KCNA6: variants seen among roughly 807,000 people sequenced by gnomAD.
KCNA6 encodes potassium voltage-gated channel subfamily A member 6, also known as human brain potassium channel-2.
In KCNA6, 17 loss-of-function variants were observed where a neutral mutation model predicts 29.5. The observed-to-expected ratio is 0.58, with a 90% CI of 0.39 to 0.86. The LOEUF (loss-of-function observed/expected upper bound fraction) is 0.86, where lower values mean the gene tolerates loss of function less well. KCNA6 is among the 40% of genes least tolerant of loss of function. The pLI is 0.00. For missense variants in KCNA6, 450 were observed against 703.4 expected (o/e 0.64, Z 4.07); for synonymous variants, 296 against 304.7 (o/e 0.97, Z 0.30).
At chr12:4,822,417 G>C in the KCNA6 span, among the ~76,000 whole-genome samples, 2 of 152,006 alleles carry the variant, frequency 1.3e-5, no homozygotes, top group African/African-American at 4.8e-5. Context: ...GTGTTTGCTG[G>C]ACAAAAAAGA....
Sources: gnomAD v4.1 joint callset for allele counts (sites outside exome capture counted in the v4.1 genomes callset) on GRCh38, gnomAD v4.1.1 for gene constraint, MANE v1.5 for transcripts, NCBI Gene and HGNC (gene_info 2026-07-23, HGNC 2026-07-21) for gene names.